The following CTNNA2 variants were observed in gnomAD, a reference collection of about 807,000 sequenced individuals.
CTNNA2 encodes catenin alpha 2, also known as catenin alpha-2.
In CTNNA2, 42 loss-of-function variants were observed where a neutral mutation model predicts 101.0. The observed-to-expected ratio is 0.42, with a 90% CI of 0.32 to 0.54. CTNNA2 has a LOEUF of 0.54. Among genes scored for constraint, CTNNA2 ranks in the 20% least tolerant of loss-of-function variants. CTNNA2 has a pLI of 0.14. For synonymous variants in CTNNA2, 450 were observed against 456.4 expected (o/e 0.99, Z 0.18); for missense variants, 871 against 1,223.1 (o/e 0.71, Z 4.29).
intron 7 of CTNNA2, among the ~76,000 whole-genome samples, chr2:80,191,025 T>C (rs1193975909): frequency 6.6e-6 from 1 of 152,166 alleles, no homozygotes; most frequent in African/African-American, 2.4e-5. Context: ...ACCGCTAGGG[T>C]CTTATATGTA....
chr2:79,407,845 G>A (rs6547239), intron 4 of CTNNA2, among the ~76,000 whole-genome samples: 107,434 of 151,868 alleles, frequency 0.71, 38,942 homozygotes, highest in African/African-American at 0.88. Flanking sequence ...AAATGCTCCT[G>A]GCCTAACAAA....
In CTNNA2 at chr2:80,136,063, T is replaced by C. The variant is rs76436025; in HGVS notation, c.1056+226266T>C. On this transcript the variant is annotated intron_variant, in intron 7 of 18. Transcript: ENST00000402739. ...AGGTAAACTTAATCTCCTGGGCTTA[T>C]GTATCCTACTGTGCACAATGACAAC... Among the ~76,000 whole-genome samples, 114 of 152,310 alleles carry C rather than the reference T, an allele frequency of 7.5e-4. No individual in the cohort carries two copies. In the East Asian group the frequency reaches 0.02, roughly 27 times the overall value.
At chr2:79,931,013 A>G (rs1687402919) in intron 7 of CTNNA2, among the ~76,000 whole-genome samples, 1 of 151,830 alleles carries the variant, frequency 6.6e-6, no homozygotes, top group Non-Finnish European at 1.5e-5. Flanking sequence ...TAAAAATAAT[A>G]TATGATTTTT....
chr2:79,778,213 G>A (rs1468238653), intron 3 of CTNNA2, among the ~76,000 whole-genome samples: 1 of 151,644 alleles, frequency 6.6e-6, no homozygotes, highest in Non-Finnish European at 1.5e-5. Flanking sequence ...GAGTATGGTG[G>A]CACATGCCTC....
chr2:79,597,936 G>T (rs1011294664), intron 1 of CTNNA2, among the ~76,000 whole-genome samples: 3 of 152,114 alleles, frequency 2.0e-5, no homozygotes, highest in African/African-American at 7.2e-5. Context: ...AATCCTTTGT[G>T]CTCCACCTGT....
At chr2:80,369,813 G>A (rs533154079) in intron 7 of CTNNA2, among the ~76,000 whole-genome samples, 10 of 152,082 alleles carry the variant, frequency 6.6e-5, no homozygotes, top group Non-Finnish European at 1.3e-4. Context: ...TGAAGATGAA[G>A]AGAGGAATGA....
chr2:79,553,790 T>A (rs1392549020), intron 1 of CTNNA2, among the ~76,000 whole-genome samples: 2 of 152,184 alleles, frequency 1.3e-5, no homozygotes, highest in Non-Finnish European at 2.9e-5. Context: ...CAATTCAATA[T>A]GAGGTTTGGG....
At chr2:79,642,776 C>T (rs1680534023) in intron 1 of CTNNA2, among the ~76,000 whole-genome samples, 1 of 123,324 alleles carries the variant, frequency 8.1e-6, no homozygotes, top group Non-Finnish European at 1.6e-5. Flanking sequence ...AAGATTTCTC[C>T]TGTTTTTTTT....
At chr2:80,162,300 G>T (rs1427046273) in intron 7 of CTNNA2, 5 of 741,458 alleles carry the variant, frequency 6.7e-6, no homozygotes, top group Non-Finnish European at 8.2e-6. Flanking sequence ...AATTCATTTT[G>T]TATTAAACTG....
At chr2:80,257,546 G>A (rs907704343) in intron 7 of CTNNA2, among the ~76,000 whole-genome samples, 2 of 152,178 alleles carry the variant, frequency 1.3e-5, no homozygotes, top group Non-Finnish European at 2.9e-5. Context: ...TCTGTGGCCT[G>A]GGTGTAGCCA....
At chr2:79,877,051 A>G (rs527580160) in intron 6 of CTNNA2, among the ~76,000 whole-genome samples, 10 of 151,700 alleles carry the variant, frequency 6.6e-5, no homozygotes, top group African/African-American at 2.4e-4. Flanking sequence ...TATTACTTAT[A>G]ATATTAACTC....
At chr2:80,613,254 C>T (rs889706721) in intron 17 of CTNNA2, among the ~76,000 whole-genome samples, 2 of 151,402 alleles carry the variant, frequency 1.3e-5, no homozygotes, top group African/African-American at 4.8e-5. Context: ...TACATTCATA[C>T]CAGTATGAAT....
intron 4 of CTNNA2, among the ~76,000 whole-genome samples, chr2:79,405,306 C>A (rs920568436): frequency 1.3e-5 from 2 of 151,926 alleles, no homozygotes; most frequent in Non-Finnish European, 2.9e-5. Context: ...GACTGCAGCC[C>A]TGGCTGACAA....
chr2:79,855,027 T>G (rs2103931366), intron 3 of CTNNA2, among the ~76,000 whole-genome samples: 1 of 152,350 alleles, frequency 6.6e-6, no homozygotes, highest in East Asian at 1.9e-4. Flanking sequence ...TTGCCTTTCC[T>G]TTGGAATCCT....
chr2:79,251,550 A>G (rs185402708), intron 2 of CTNNA2, among the ~76,000 whole-genome samples: 73 of 152,252 alleles, frequency 4.8e-4, no homozygotes, highest in Admixed American at 1.0e-3. Flanking sequence ...AGGTTATAAA[A>G]GAACATAGGG....
At chr2:79,314,762 C>T (rs1676458961) in intron 3 of CTNNA2, among the ~76,000 whole-genome samples, 1 of 152,116 alleles carries the variant, frequency 6.6e-6, no homozygotes, top group Non-Finnish European at 1.5e-5. Context: ...AGTAGGATGT[C>T]CATACCACAG....
intron 7 of CTNNA2, among the ~76,000 whole-genome samples, chr2:80,277,553 GAAA>G (rs10650278): frequency 4.8e-5 from 4 of 83,812 alleles, no homozygotes; most frequent in Admixed American, 3.0e-4. Flanking sequence ...AAGGATTTCT[GAAA>G]AAAAAAAAAA....
At chr2:79,887,964 A>C (rs1306339256) in intron 6 of CTNNA2, among the ~76,000 whole-genome samples, 1 of 152,168 alleles carries the variant, frequency 6.6e-6, no homozygotes, top group African/African-American at 2.4e-5. Context: ...AGCATTAAGA[A>C]ACACTCCTGT....
intron 7 of CTNNA2, among the ~76,000 whole-genome samples, chr2:80,130,436 T>A (rs924601554): frequency 2.6e-5 from 4 of 152,336 alleles, no homozygotes; most frequent in South Asian, 2.1e-4. Flanking sequence ...TTACAACTAT[T>A]GCTCCAGGAG....
Sources: gnomAD v4.1 joint callset for allele counts (sites outside exome capture counted in the v4.1 genomes callset) on GRCh38, gnomAD v4.1.1 for gene constraint, MANE v1.5 for transcripts, NCBI Gene and HGNC (gene_info 2026-07-23, HGNC 2026-07-21) for gene names.